Variants in CLPB observed in about 807,000 individuals in gnomAD.
CLPB encodes mitochondrial disaggregase.
CLPB carries 40 observed loss-of-function variants against 78.4 expected under a neutral mutation model. The ratio of observed to expected loss-of-function variants is 0.51; its 90% CI spans 0.40 to 0.66. The LOEUF (loss-of-function observed/expected upper bound fraction) is 0.66, where lower values mean the gene tolerates loss of function less well. Among genes scored for constraint, CLPB ranks in the 30% least tolerant of loss-of-function variants. The probability of loss-of-function intolerance (pLI) is 0.00; values close to 1 mark genes in which losing one functional copy is unlikely to be tolerated. For missense variants in CLPB, 780 were observed against 886.9 expected, an observed-to-expected ratio of 0.88 and a Z score of 1.53; for synonymous variants, 333 against 348.0, an observed-to-expected ratio of 0.96 and a Z score of 0.48.
intron 4 of CLPB, among the ~76,000 whole-genome samples, chr11:72,375,323 G>A (rs184678454): frequency 2.6e-4 from 39 of 152,230 alleles, no homozygotes; most frequent in Admixed American, 2.3e-3. Flanking sequence ...TCAGAATAGA[G>A]AATGAGCTCC....
intron 2 of CLPB, among the ~76,000 whole-genome samples, chr11:72,424,257 G>GGC (rs1437089414): frequency 5.9e-5 from 9 of 152,166 alleles, no homozygotes; most frequent in Admixed American, 1.3e-4. Context: ...CCTGAGTATA[G>GGC]GCGCTCAGCC....
In CLPB at chr11:72,300,618, A is replaced by AGATCTG. The variant is rs1373489630; in HGVS notation, c.1329+1179_1329+1184dup. ...GGGAAGGCAGTGAGCAGCTGGTAGG[A>AGATCTG]GATCTGGATCTGGATCTTCCTGGCT... On this transcript the variant is annotated intron_variant, in intron 11 of 15. Transcript: ENST00000538039. Among the ~76,000 whole-genome samples, 3 of 152,250 alleles carry AGATCTG rather than the reference A, an allele frequency of 2.0e-5. No individual in the cohort carries two copies. In the South Asian group the frequency reaches 6.2e-4, roughly 32 times the overall value.
intron 7 of CLPB, among the ~76,000 whole-genome samples, chr11:72,311,435 A>G (rs1214239933): frequency 6.6e-6 from 1 of 152,250 alleles, no homozygotes; most frequent in Non-Finnish European, 1.5e-5. Context: ...TGAGGTAAGC[A>G]GAACAGGGGA....
At chr11:72,309,342 G>A (rs1265935593) in intron 7 of CLPB, among the ~76,000 whole-genome samples, 2 of 152,206 alleles carry the variant, frequency 1.3e-5, no homozygotes, top group South Asian at 2.1e-4. Flanking sequence ...TGTAATTAAG[G>A]GCTATGCATT....
chr11:72,382,015 C>T (rs1854931489), intron 3 of CLPB, among the ~76,000 whole-genome samples: 1 of 152,158 alleles, frequency 6.6e-6, no homozygotes, highest in African/African-American at 2.4e-5. Flanking sequence ...CAGGCTAGCC[C>T]TCACAGACCT....
At chr11:72,370,930 C>G (rs1385693019) in intron 4 of CLPB, among the ~76,000 whole-genome samples, 1 of 152,192 alleles carries the variant, frequency 6.6e-6, no homozygotes, top group African/African-American at 2.4e-5. Context: ...GAGTCTTGAT[C>G]TGGTCCTATT....
At chr11:72,358,701 G>A (rs966525322) in intron 5 of CLPB, among the ~76,000 whole-genome samples, 179 bp downstream of exon 5, 2 of 152,238 alleles carry the variant, frequency 1.3e-5, no homozygotes, top group South Asian at 2.1e-4. Context: ...AGCTGCTCTC[G>A]AGGCATCTCT....
At chr11:72,348,902 A>G (rs1950562607) in intron 5 of CLPB, among the ~76,000 whole-genome samples, 1 of 152,218 alleles carries the variant, frequency 6.6e-6, no homozygotes, top group African/African-American at 2.4e-5. Context: ...TCCACATCCT[A>G]TCTTCTGTGA....
intron 13 of CLPB, 64 bp downstream of exon 13, chr11:72,294,556 A>C: frequency 6.2e-7 from 1 of 1,608,608 alleles, no homozygotes; most frequent in East Asian, 2.2e-5. Flanking sequence ...GATCTTTAGG[A>C]TGGCTAAGAT....
intron 3 of CLPB, among the ~76,000 whole-genome samples, chr11:72,400,856 G>T (rs963063280): frequency 6.6e-6 from 1 of 152,076 alleles, no homozygotes; most frequent in Admixed American, 6.5e-5. Flanking sequence ...CCTTTGCTTC[G>T]AGGGTATCCC....
intron 4 of CLPB, among the ~76,000 whole-genome samples, chr11:72,377,848 T>C (rs1286682030): frequency 3.9e-5 from 6 of 152,248 alleles, no homozygotes; most frequent in Non-Finnish European, 7.3e-5. Flanking sequence ...AATAACATTT[T>C]ATTGAAACAT....
At chr11:72,306,528 A>G (rs1949748165) in intron 9 of CLPB, among the ~76,000 whole-genome samples, 1 of 152,208 alleles carries the variant, frequency 6.6e-6, no homozygotes, top group African/African-American at 2.4e-5. Flanking sequence ...TTTCTCCCTA[A>G]AAAGTTAAAC....
chr11:72,323,316 C>A (rs535492739), intron 6 of CLPB, among the ~76,000 whole-genome samples: 126 of 151,912 alleles, frequency 8.3e-4, no homozygotes, highest in African/African-American at 3.0e-3. Flanking sequence ...TGCCTGTAAT[C>A]CCAGCACTTT....
At chr11:72,425,967 T>C (rs1300009023) in intron 2 of CLPB, among the ~76,000 whole-genome samples, 2 of 152,066 alleles carry the variant, frequency 1.3e-5, no homozygotes, top group Admixed American at 1.3e-4. Flanking sequence ...ATTGCCACAG[T>C]TTACCCCGAC....
At chr11:72,308,974 G>A (rs148385926) in intron 7 of CLPB, among the ~76,000 whole-genome samples, 7 of 152,302 alleles carry the variant, frequency 4.6e-5, no homozygotes, top group African/African-American at 1.2e-4. Context: ...TCTACTCATC[G>A]CTAGTGGGAC....
chr11:72,426,695 G>C (rs1189134978), intron 2 of CLPB, among the ~76,000 whole-genome samples: 4 of 152,212 alleles, frequency 2.6e-5, no homozygotes, highest in Non-Finnish European at 5.9e-5. Context: ...CAAAAAACAA[G>C]TAAGTGCCGC....
intron 2 of CLPB, among the ~76,000 whole-genome samples, chr11:72,415,252 T>C (rs2135122343): frequency 6.6e-6 from 1 of 152,230 alleles, no homozygotes; most frequent in East Asian, 1.9e-4. Context: ...GGCCAATAAG[T>C]AGCAGCCGGG....
chr11:72,357,656 A>G (rs1950744057), intron 5 of CLPB, among the ~76,000 whole-genome samples: 1 of 143,158 alleles, frequency 7.0e-6, no homozygotes, highest in African/African-American at 2.6e-5. Flanking sequence ...AGATTGTGCC[A>G]TTGCACTCCA....
At chr11:72,404,375 T>G (rs1855644067) in intron 2 of CLPB, among the ~76,000 whole-genome samples, 1 of 152,232 alleles carries the variant, frequency 6.6e-6, no homozygotes, top group Admixed American at 6.5e-5. Flanking sequence ...AGCACCATTC[T>G]TGTGCCACGA....
Sources: allele counts gnomAD v4.1 joint callset (sites outside exome capture counted in the v4.1 genomes callset), GRCh38; gene constraint gnomAD v4.1.1; transcripts MANE v1.5; gene names NCBI Gene and HGNC (gene_info 2026-07-23, HGNC 2026-07-21).